Variants in DYRK1A observed in about 807,000 individuals in gnomAD.
The protein encoded by DYRK1A is dual specificity tyrosine-phosphorylation-regulated kinase 1A.
In DYRK1A, 9 loss-of-function variants were observed where a neutral mutation model predicts 79.7. The observed-to-expected ratio is 0.11, with a 90% CI of 0.07 to 0.20. The LOEUF (loss-of-function observed/expected upper bound fraction) is 0.20, where lower values mean the gene tolerates loss of function less well. Ranked by LOEUF, DYRK1A falls within the 10% of genes least tolerant of loss-of-function variation. The pLI, the probability that DYRK1A is intolerant of heterozygous loss-of-function variation, is 1.00. For synonymous variants in DYRK1A, 349 were observed against 329.7 expected (o/e 1.06, Z -0.63); for missense variants, 622 against 956.0 (o/e 0.65, Z 4.61).
At chr21:37,381,402 G>T (rs2049656148) in intron 1 of DYRK1A, among the ~76,000 whole-genome samples, 1 of 152,196 alleles carries the variant, frequency 6.6e-6, no homozygotes, top group Non-Finnish European at 1.5e-5. Flanking sequence ...TTAGATACTG[G>T]AAATGTGGAG....
chr21:37,373,480 A>C (rs1224060545), intron 1 of DYRK1A, among the ~76,000 whole-genome samples: 1 of 152,228 alleles, frequency 6.6e-6, no homozygotes, highest in Admixed American at 6.5e-5. Flanking sequence ...ACAGTGGCTT[A>C]AACGAGAAAT....
chr21:37,417,175 C>T (rs2050358567), intron 1 of DYRK1A, among the ~76,000 whole-genome samples: 1 of 151,956 alleles, frequency 6.6e-6, no homozygotes, highest in Admixed American at 6.6e-5. Flanking sequence ...CATTCTGGAT[C>T]TCTGTTTATT....
intron 1 of DYRK1A, among the ~76,000 whole-genome samples, chr21:37,371,210 G>C (rs910629896): frequency 1.3e-5 from 2 of 152,186 alleles, no homozygotes; most frequent in Non-Finnish European, 2.9e-5. Context: ...GTTTACCATA[G>C]AGTGTTTGAA....
chr21:37,414,394 C>T (rs1187257815), intron 1 of DYRK1A, among the ~76,000 whole-genome samples: 1 of 152,046 alleles, frequency 6.6e-6, no homozygotes, highest in Non-Finnish European at 1.5e-5. Context: ...CCTCTCTGTG[C>T]CTTAGTTTTC....
intron 11 of DYRK1A, 178 bp downstream of exon 11, chr21:37,506,401 C>T: frequency 6.6e-7 from 1 of 1,515,674 alleles, no homozygotes; most frequent in South Asian, 1.3e-5. Context: ...TTTCCTCCTC[C>T]TTGTCTAGAA....
upstream of DYRK1A, chr21:37,365,984 G>C (rs943551113): frequency 6.6e-6 from 1 of 152,140 alleles, no homozygotes; most frequent in Non-Finnish European, 1.5e-5. Flanking sequence ...GCCAGCCTCA[G>C]GGCCGCCGGG....
chr21:37,432,457 CTG>C (rs2050802874), intron 2 of DYRK1A, among the ~76,000 whole-genome samples: 1 of 152,152 alleles, frequency 6.6e-6, no homozygotes. Flanking sequence ...TCCAGCAAAA[CTG>C]TGGTGGCAGC....
Position 37,517,153 on chromosome 21 carries a change from G to A in DYRK1A, c.*4622G>A, listed in dbSNP as rs2053889544. On this transcript the variant is annotated 3_prime_UTR_variant, in exon 12 of 12. Coordinates refer to ENST00000647188, the MANE Select transcript of DYRK1A (RefSeq NM_001347721.2). ...AGGTAGCCTGGTTCAGTCCCAGCTG[G>A]GTCCTGAAGGAGCACAGTACTAGAG... 2 of 152,172 alleles carry A rather than the reference G, an allele frequency of 1.3e-5. No homozygotes were observed. The highest frequency in any genetic ancestry group is 2.1e-4 in the South Asian group (1 of 4,826). 9.4% of individuals were successfully genotyped at this position (152,172 alleles called of 1,614,324 possible). A position where few individuals can be genotyped will look rare whatever the true frequency, so the allele number is the denominator to read the frequency against.
chr21:37,442,314 G>A (rs2051132656), intron 2 of DYRK1A, among the ~76,000 whole-genome samples: 1 of 152,018 alleles, frequency 6.6e-6, no homozygotes, highest in South Asian at 2.1e-4. Context: ...TCTCCTCTCT[G>A]TCAGGAACTT....
intron 2 of DYRK1A, among the ~76,000 whole-genome samples, chr21:37,470,004 C>T (rs1010712763): frequency 2.6e-5 from 4 of 152,130 alleles, no homozygotes; most frequent in African/African-American, 9.7e-5. Context: ...AATTAGCCAG[C>T]GTGGTGGTGG....
chr21:37,496,814 T>G (rs568052631), intron 9 of DYRK1A, among the ~76,000 whole-genome samples: 1 of 152,330 alleles, frequency 6.6e-6, no homozygotes, highest in South Asian at 2.1e-4. Flanking sequence ...TCCAAAATCT[T>G]TTAAAGTGAG....
rs139257898 is a variant in DYRK1A, at chr21:37,427,167, T to C, written c.10+6783T>C. 2.6e-3 allele frequency among the ~76,000 whole-genome samples: 398 copies of C among 152,336 alleles called. 2 individuals are homozygous for C. The highest frequency in any genetic ancestry group is 8.9e-3 in the African/African-American group (372 of 41,582). ...CTGTGTTGCCTAAGCTGGAATGCCA[T>C]GTGGCATAAGCATGGCTCACTGCAG... On this transcript the variant is annotated intron_variant, in intron 2 of 11. Coordinates refer to ENST00000647188, the MANE Select transcript of DYRK1A (RefSeq NM_001347721.2).
At chr21:37,482,384 C>T (rs980688000) in intron 5 of DYRK1A, among the ~76,000 whole-genome samples, 2 of 152,142 alleles carry the variant, frequency 1.3e-5, no homozygotes, top group Non-Finnish European at 2.9e-5. Flanking sequence ...GGAGACATCA[C>T]ATGTCGGTAG....
Position 37,506,187 on chromosome 21 carries a change from C to G in DYRK1A, c.1608C>G (p.Ala536=), listed in dbSNP as rs151236032. The change falls in exon 11 of 12, where the codon GCC becomes GCG. Residue 536 remains alanine (A), a synonymous_variant. Transcript: ENST00000647188. ...ACAGTGGTGGGCACTTCACAGCTGCCGTGCAGGCCATGGACTGCGAGACAC... is the reference window on the plus strand; with the variant it reads ...ACAGTGGTGGGCACTTCACAGCTGCGGTGCAGGCCATGGACTGCGAGACAC... ...HRHSGGHFTA[A]VQAMDCETHS... 6.2e-7 allele frequency: 1 copy of G among 1,614,158 alleles called. No individual in the cohort carries two copies. The highest frequency in any genetic ancestry group is 1.7e-5 in the Admixed American group (1 of 60,022).
At chr21:37,479,606 G>GGTTTTTT (rs2052536883) in intron 4 of DYRK1A, among the ~76,000 whole-genome samples, 1 of 27,594 alleles carries the variant, frequency 3.6e-5, no homozygotes, top group Non-Finnish European at 6.9e-5. Context: ...TTTTGTTTTT[G>GGTTTTTT]TTTTTGTTTT....
At chr21:37,442,620 G>T (rs1346671634) in intron 2 of DYRK1A, among the ~76,000 whole-genome samples, 1 of 151,750 alleles carries the variant, frequency 6.6e-6, no homozygotes, top group South Asian at 2.1e-4. Context: ...TAGAGACAGG[G>T]TCTTCCTATG....
Position 37,390,582 on chromosome 21 carries a change from T to G in DYRK1A, c.-77+22954T>G, listed in dbSNP as rs550315040. Among the ~76,000 whole-genome samples, 4 of 152,334 alleles carry G rather than the reference T, an allele frequency of 2.6e-5. No individual in the cohort carries two copies. In the South Asian group the frequency reaches 8.3e-4, roughly 32 times the overall value. The stretch of plus-strand genomic sequence containing the variant: ...ACATTTTGTCGTTACTGTTTTTCTT[T>G]TTTTATGAGACAGTCTCGCTCTGTC... On this transcript the variant is annotated intron_variant, in intron 1 of 11. Transcript: ENST00000647188.
At chr21:37,505,262 C>T (rs754824896) in intron 9 of DYRK1A, 21 bp from the exon 10 acceptor site, 4 of 1,563,300 alleles carry the variant, frequency 2.6e-6, no homozygotes, top group Non-Finnish European at 3.5e-6. Flanking sequence ...TAGAGAAAGC[C>T]TTTCATCTTC....
rs144223304 is a variant in DYRK1A, at chr21:37,427,919, A to G, written c.10+7535A>G. On this transcript the variant is annotated intron_variant, in intron 2 of 11. Transcript: ENST00000647188. ...AGTTTCCTTTTATCATTCTTTGTTG[A>G]TATTTCTTTGGGGTTTTAATTTTTT... is the stretch of plus-strand genomic sequence containing the variant. Among the ~76,000 whole-genome samples, 198 of 151,800 alleles carry G rather than the reference A, an allele frequency of 1.3e-3. 1 individual carries two copies. Among genetic ancestry groups the G allele is most frequent in the Non-Finnish European group, 1.2e-3 (84 of 67,912 alleles).
Sources: allele counts gnomAD v4.1 joint callset (sites outside exome capture counted in the v4.1 genomes callset), GRCh38; gene constraint gnomAD v4.1.1; transcripts MANE v1.5; gene names NCBI Gene and HGNC (gene_info 2026-07-23, HGNC 2026-07-21).